Variants in GPC6 observed in about 807,000 individuals in gnomAD.
GPC6 encodes glypican-6.
Under a neutral mutation model 55.2 loss-of-function variants are expected in GPC6, and 14 were observed. The ratio of observed to expected loss-of-function variants is 0.25; its 90% CI spans 0.17 to 0.40. The LOEUF is 0.40. Among genes scored for constraint, GPC6 ranks in the 10% least tolerant of loss-of-function variants. The pLI, the probability that GPC6 is intolerant of heterozygous loss-of-function variation, is 1.00. For missense variants in GPC6, 641 were observed against 708.5 expected (o/e 0.90, Z 1.08); for synonymous variants, 278 against 259.6 (o/e 1.07, Z -0.68).
chr13:94,029,622 A>G lies in GPC6; in HGVS notation c.877+1728A>G, dbSNP rs115796133. Among the ~76,000 whole-genome samples, 839 of 152,314 alleles carry G rather than the reference A, an allele frequency of 5.5e-3. 10 individuals are homozygous for G. The highest frequency in any genetic ancestry group is 0.019 in the African/African-American group (789 of 41,564). ...ATAGTCATCCATATTTTTAGTTGAA[A>G]TGCCCTAATTCCTAGCACAGTTCAG... is the stretch of plus-strand genomic sequence containing the variant. On this transcript the variant is annotated intron_variant, in intron 4 of 8. Coordinates refer to ENST00000377047, the MANE Select transcript of GPC6 (RefSeq NM_005708.5).
At chr13:93,395,748 G>A (rs1489619295) in intron 1 of GPC6, 1 of 153,036 alleles carries the variant, frequency 6.5e-6, no homozygotes, top group Non-Finnish European at 1.5e-5. Flanking sequence ...GCTCCTGAAT[G>A]TCTCATTGGT....
chr13:93,864,947 A>G (rs1314434063), intron 3 of GPC6, among the ~76,000 whole-genome samples: 5 of 151,766 alleles, frequency 3.3e-5, no homozygotes, highest in African/African-American at 1.2e-4. Context: ...TTGTGTAAAG[A>G]TAATCAAAAT....
At chr13:94,151,459 A>C (rs1285162674) in intron 4 of GPC6, among the ~76,000 whole-genome samples, 1 of 152,122 alleles carries the variant, frequency 6.6e-6, no homozygotes, top group Admixed American at 6.6e-5. Context: ...CTTCTCTTGT[A>C]AGTGAGCAGG....
intron 4 of GPC6, among the ~76,000 whole-genome samples, chr13:94,061,318 CTG>C (rs1237628848): frequency 7.2e-5 from 11 of 152,248 alleles, no homozygotes; most frequent in African/African-American, 2.2e-4. Flanking sequence ...AGCATTTTAA[CTG>C]TTTATTTTTA....
intron 2 of GPC6, among the ~76,000 whole-genome samples, chr13:93,676,119 AAAAAAAAATATATATATATATATAT>A (rs1881591018): frequency 6.8e-5 from 1 of 14,624 alleles, no homozygotes; most frequent in Non-Finnish European, 2.2e-4. Context: ...AAAAAAAAAA[AAAAAAAAATATATATATATATATAT>A]ATATATATAT....
chr13:93,229,629 T>C (rs1875941091), intron 1 of GPC6, among the ~76,000 whole-genome samples: 1 of 151,924 alleles, frequency 6.6e-6, no homozygotes, highest in African/African-American at 2.4e-5. Context: ...ACTAAAGAGG[T>C]TTTTGTTTTT....
chr13:93,838,223 T>C (rs73551753), intron 3 of GPC6, among the ~76,000 whole-genome samples: 5,878 of 152,196 alleles, frequency 0.039, 155 homozygotes, highest in African/African-American at 0.065. Flanking sequence ...AAGAGAGACA[T>C]TATGAAAAGT....
chr13:93,947,896 T>C (rs1323342879), intron 3 of GPC6, among the ~76,000 whole-genome samples: 1 of 152,162 alleles, frequency 6.6e-6, no homozygotes, highest in Non-Finnish European at 1.5e-5. Flanking sequence ...TAAGCCTCCG[T>C]GATAGAAGGG....
chr13:93,585,588 T>G (rs1877155560), intron 2 of GPC6, among the ~76,000 whole-genome samples: 1 of 152,238 alleles, frequency 6.6e-6, no homozygotes, highest in African/African-American at 2.4e-5. Context: ...TTTTCATACC[T>G]TAATAATTTT....
intron 1 of GPC6, among the ~76,000 whole-genome samples, chr13:93,237,345 A>T (rs9523969): frequency 6.6e-6 from 1 of 151,524 alleles, no homozygotes; most frequent in African/African-American, 2.4e-5. Context: ...TTTTTTTCAC[A>T]TTTTTGCCCA....
At chr13:94,096,853 C>T (rs1029897961) in intron 4 of GPC6, among the ~76,000 whole-genome samples, 4 of 152,216 alleles carry the variant, frequency 2.6e-5, no homozygotes, top group Non-Finnish European at 5.9e-5. Context: ...CTCCTACACA[C>T]TCACACTTGT....
At chr13:93,380,856 A>G (rs959676728) in intron 1 of GPC6, among the ~76,000 whole-genome samples, 1 of 152,152 alleles carries the variant, frequency 6.6e-6, no homozygotes, top group African/African-American at 2.4e-5. Context: ...GCACACATTT[A>G]TTCAATCAGC....
intron 1 of GPC6, among the ~76,000 whole-genome samples, chr13:93,486,142 A>G (rs17267801): frequency 0.16 from 23,850 of 152,186 alleles, 2,400 homozygotes; most frequent in Middle Eastern, 0.25. Context: ...ACAAGTGGTA[A>G]GAAAATAATC....
chr13:94,216,008 T>C (rs113929809), intron 4 of GPC6, among the ~76,000 whole-genome samples: 112 of 126,732 alleles, frequency 8.8e-4, no homozygotes, highest in African/African-American at 3.1e-3. Flanking sequence ...TTCCTATTCT[T>C]TGTCATAAAA....
intron 3 of GPC6, among the ~76,000 whole-genome samples, chr13:93,846,141 G>A (rs187014826): frequency 2.0e-5 from 3 of 152,112 alleles, no homozygotes; most frequent in East Asian, 1.9e-4. Flanking sequence ...AAGCCAAAAT[G>A]TACCAAAATG....
intron 1 of GPC6, among the ~76,000 whole-genome samples, chr13:93,488,835 C>T (rs12873156): frequency 0.3 from 45,036 of 151,590 alleles, 7,171 homozygotes; most frequent in East Asian, 0.65. Context: ...TTTTCTTGTA[C>T]GTGTGTTTGA....
intron 2 of GPC6, among the ~76,000 whole-genome samples, chr13:93,821,140 A>G (rs1362116987): frequency 2.0e-5 from 3 of 152,198 alleles, no homozygotes; most frequent in Middle Eastern, 3.2e-3. Context: ...GATATTAAAT[A>G]CTTTTGTCAT....
rs191409656 is a variant in GPC6, at chr13:93,911,620, G to A, written c.711+81075G>A. Among the ~76,000 whole-genome samples the A allele has an allele frequency of 3.0e-4, 46 of 152,272 alleles. 1 individual carries two copies. The highest frequency in any genetic ancestry group is 3.4e-3 in the Middle Eastern group (1 of 294). ...CTTGCAGCTCAACCAAAAAAGGAAA[G>A]GGCAGACATGGGCTTAGTTATCACA... On this transcript the variant is annotated intron_variant, in intron 3 of 8. Transcript: ENST00000377047.
chr13:94,310,054 A>T (rs1030090602), intron 6 of GPC6, among the ~76,000 whole-genome samples: 2 of 152,240 alleles, frequency 1.3e-5, no homozygotes. Flanking sequence ...ATAAATCAGC[A>T]CAAAATAGCT....
Sources: gnomAD v4.1 joint callset for allele counts (sites outside exome capture counted in the v4.1 genomes callset) on GRCh38, gnomAD v4.1.1 for gene constraint, MANE v1.5 for transcripts, NCBI Gene and HGNC (gene_info 2026-07-23, HGNC 2026-07-21) for gene names.